HTRA3: variants seen among roughly 807,000 people sequenced by gnomAD.
HTRA3 encodes HtrA serine peptidase 3.
In HTRA3, 41 loss-of-function variants were observed where a neutral mutation model predicts 43.2. The ratio of observed to expected loss-of-function variants is 0.95; its 90% CI spans 0.74 to 1.23. The LOEUF (loss-of-function observed/expected upper bound fraction) is 1.23, where lower values mean the gene tolerates loss of function less well. Among genes scored for constraint, HTRA3 ranks in the 50% most tolerant of loss-of-function variants. HTRA3 has a pLI of 0.00. For missense variants in HTRA3, 628 were observed against 647.1 expected (o/e 0.97, Z 0.32); for synonymous variants, 295 against 287.9 (o/e 1.02, Z -0.25).
At chr4:8,290,529 C>G (rs1486119870) in intron 3 of HTRA3, among the ~76,000 whole-genome samples, 1 of 152,220 alleles carries the variant, frequency 6.6e-6, no homozygotes, top group African/African-American at 2.4e-5. Flanking sequence ...GCCAGCTTCC[C>G]TCAACGGTGA....
chr4:8,288,343 G>T (rs1429490183), intron 3 of HTRA3, among the ~76,000 whole-genome samples: 1 of 151,742 alleles, frequency 6.6e-6, no homozygotes, highest in Non-Finnish European at 1.5e-5. Context: ...GCGTCATCTC[G>T]GCTCACCACA....
chr4:8,306,380 G>A lies in HTRA3; in HGVS notation c.*244G>A. The A allele has an allele frequency of 2.3e-6, 1 of 431,186 alleles. No individual in the cohort carries two copies. Among genetic ancestry groups the A allele is most frequent in the Non-Finnish European group, 4.1e-6 (1 of 242,200 alleles). The allele number at this position is 431,186 out of a possible 1,614,324, so 26.7% of individuals were successfully genotyped here. A position where few individuals can be genotyped will look rare whatever the true frequency, so the allele number is the denominator to read the frequency against. On this transcript the variant is annotated 3_prime_UTR_variant, in exon 9 of 9. Transcript: ENST00000307358. The surrounding 1 kb of genome is among the most constrained non-coding windows in gnomAD (Gnocchi z 8.9). ...TCCCCTTGTACAGATGATCCTGAAA[G>A]TCACTTCCAAGTTCTCCGGATATTC...
intron 1 of HTRA3, among the ~76,000 whole-genome samples, chr4:8,276,876 G>A (rs55841178): frequency 0.3 from 46,230 of 152,288 alleles, 8,333 homozygotes; most frequent in Non-Finnish European, 0.4. Context: ...GGCAGGTCCC[G>A]TGGCCTCTCT....
intron 7 of HTRA3, among the ~76,000 whole-genome samples, chr4:8,303,142 C>A (rs759193162): frequency 6.6e-6 from 1 of 152,206 alleles, no homozygotes; most frequent in Admixed American, 6.5e-5. Flanking sequence ...TGGGTGTACA[C>A]GAATTTGGGG....
At chr4:8,290,812 A>T (rs1194401063) in intron 3 of HTRA3, among the ~76,000 whole-genome samples, 1 of 152,154 alleles carries the variant, frequency 6.6e-6, no homozygotes, top group Non-Finnish European at 1.5e-5. Flanking sequence ...CAGGTGTCTC[A>T]GTGTGCGCGG....
intron 6 of HTRA3, among the ~76,000 whole-genome samples, chr4:8,294,583 T>C (rs1273473525): frequency 0.33 from 2 of 6 alleles, no homozygotes; most frequent in African/African-American, 0.5. Flanking sequence ...CGTCCGTCCG[T>C]CCATCCATCC....
intron 8 of HTRA3, among the ~76,000 whole-genome samples, chr4:8,305,264 G>A (rs573265895): frequency 6.6e-6 from 1 of 152,390 alleles, no homozygotes; most frequent in African/African-American, 2.4e-5. Flanking sequence ...CTTCTGTGAT[G>A]AGCACAGATG....
At position 8,291,576 on chromosome 4, in the gene HTRA3, G is replaced by T. The variant is rs749925245; in HGVS notation, c.903+12G>T. 36 of 1,551,756 alleles carry T rather than the reference G, an allele frequency of 2.3e-5. No individual in the cohort carries two copies. In the Middle Eastern group the frequency reaches 8.5e-4, roughly 36 times the overall value. ...ATGCCATCATCAACGTGAGTCCCAGGGACAGGAGGCCGGGGCACCTGCCAT... is the reference window on the plus strand; with the variant it reads ...ATGCCATCATCAACGTGAGTCCCAGTGACAGGAGGCCGGGGCACCTGCCAT... On this transcript the variant is annotated intron_variant, in intron 4 of 8. Transcript: ENST00000307358.
At chr4:8,300,253 G>A (rs1202960108) in intron 6 of HTRA3, among the ~76,000 whole-genome samples, 3 of 152,194 alleles carry the variant, frequency 2.0e-5, no homozygotes, top group African/African-American at 7.2e-5. Flanking sequence ...TTCAGATAAG[G>A]AGGTTAGAAG....
chr4:8,300,084 C>A (rs1365756577), intron 6 of HTRA3, among the ~76,000 whole-genome samples: 2 of 152,254 alleles, frequency 1.3e-5, no homozygotes, highest in African/African-American at 4.8e-5. Context: ...AGGTGATCCA[C>A]CTGCCTTGGC....
At chr4:8,278,170 C>T (rs1323321209) in intron 1 of HTRA3, among the ~76,000 whole-genome samples, 2 of 152,144 alleles carry the variant, frequency 1.3e-5, no homozygotes, top group East Asian at 3.9e-4. Flanking sequence ...GTGGTCCTCT[C>T]TCAGGGTTGG....
At chr4:8,276,396 A>G (rs116821066) in intron 1 of HTRA3, among the ~76,000 whole-genome samples, 96 of 152,344 alleles carry the variant, frequency 6.3e-4, no homozygotes, top group African/African-American at 2.1e-3. Context: ...TGGCAGGTGG[A>G]CGCGTCTTAC....
rs558744259 is a variant in HTRA3, at chr4:8,292,473, C to T, written c.936+120C>T. On this transcript the variant is annotated intron_variant, in intron 5 of 8. Transcript: ENST00000307358. ...GTCCTAGAACATTTACACCAACAGTCGGGAGTGCAGCTGGGCCGGAGGCCT... is the reference window on the plus strand; with the variant it reads ...GTCCTAGAACATTTACACCAACAGTTGGGAGTGCAGCTGGGCCGGAGGCCT... 58 of 846,628 alleles carry T rather than the reference C, an allele frequency of 6.9e-5. No homozygotes were observed. In the African/African-American group the frequency reaches 7.2e-4, roughly 10 times the overall value. 52.4% of individuals were successfully genotyped at this position (846,628 alleles called of 1,614,324 possible).
chr4:8,276,664 ACCT>A (rs1018948948), intron 1 of HTRA3, among the ~76,000 whole-genome samples: 1 of 151,690 alleles, frequency 6.6e-6, no homozygotes, highest in African/African-American at 2.4e-5. Flanking sequence ...TGGCGGCAGC[ACCT>A]CCTCCTCCTC....
chr4:8,287,974 A>G (rs1237004335), intron 3 of HTRA3, among the ~76,000 whole-genome samples: 1 of 152,164 alleles, frequency 6.6e-6, no homozygotes, highest in Admixed American at 6.5e-5. Context: ...CATGTCTCAC[A>G]CCAGCGTTGG....
chr4:8,300,135 C>T (rs567983208), intron 6 of HTRA3, among the ~76,000 whole-genome samples: 7 of 152,266 alleles, frequency 4.6e-5, no homozygotes, highest in African/African-American at 1.7e-4. Context: ...CCACTATGCC[C>T]GGCTGTATTA....
chr4:8,291,937 C>G (rs1187156476), intron 4 of HTRA3, among the ~76,000 whole-genome samples: 1 of 152,232 alleles, frequency 6.6e-6, no homozygotes, highest in East Asian at 1.9e-4. Flanking sequence ...CCCAGATGCC[C>G]CAGATCACGT....
At position 8,274,340 on chromosome 4, in the gene HTRA3, G is replaced by C. The variant is rs530734718; in HGVS notation, c.385+3987G>C. ...CCCTGAGCCACCTGCCCTGGCCACTGTGCCCAGGTCATCCTTCATTGCTTG... is the reference window on the plus strand; with the variant it reads ...CCCTGAGCCACCTGCCCTGGCCACTCTGCCCAGGTCATCCTTCATTGCTTG... On this transcript the variant is annotated intron_variant, in intron 1 of 8. Coordinates refer to ENST00000307358, the MANE Select transcript of HTRA3 (RefSeq NM_053044.5). Among the ~76,000 whole-genome samples, 32 of 152,252 alleles carry C rather than the reference G, an allele frequency of 2.1e-4. No homozygotes were observed. In the South Asian group the frequency reaches 6.6e-3, roughly 32 times the overall value.
rs1262665298 is a variant in HTRA3 at position 8,279,806 on chromosome 4, C to T, written c.386-2631C>T. Among the ~76,000 whole-genome samples the T allele has an allele frequency of 2.0e-5, 3 of 152,096 alleles. No individual in the cohort carries two copies. The highest frequency in any genetic ancestry group is 7.2e-5 in the African/African-American group (3 of 41,398). On this transcript the variant is annotated intron_variant, in intron 1 of 8. Transcript: ENST00000307358. This position sits in a 1 kb window ranked among gnomAD's most constrained non-coding sequence, Gnocchi z 7.4. ...GCTCTTCCAGGCCTGGGTCAGGGCA[C>T]CTCTGCACTCACCCACCCCACGCCG...
Sources: allele counts gnomAD v4.1 joint callset (sites outside exome capture counted in the v4.1 genomes callset), GRCh38; gene constraint gnomAD v4.1.1; non-coding constraint Gnocchi (gnomAD v3.1); transcripts MANE v1.5; gene names NCBI Gene and HGNC (gene_info 2026-07-23, HGNC 2026-07-21).